ATP2B2: variants seen among roughly 807,000 people sequenced by gnomAD.
ATP2B2 encodes the protein plasma membrane calcium-transporting ATPase 2.
Under a neutral mutation model 120.0 loss-of-function variants are expected in ATP2B2, and 15 were observed. The ratio of observed to expected loss-of-function variants is 0.12; its 90% confidence interval spans 0.08 to 0.19. The LOEUF (loss-of-function observed/expected upper bound fraction) is 0.19, where lower values mean the gene tolerates loss of function less well. Ranked by LOEUF, ATP2B2 falls within the 10% of genes least tolerant of loss-of-function variation. ATP2B2 has a pLI of 1.00. For missense variants in ATP2B2, 1,045 were observed against 1,719.8 expected (o/e 0.61, Z 6.94); for synonymous variants, 694 against 700.3 (o/e 0.99, Z 0.14).
At chr3:10,468,324 G>C (rs2064840042) in intron 1 of ATP2B2, among the ~76,000 whole-genome samples, 1 of 152,228 alleles carries the variant, frequency 6.6e-6, no homozygotes, top group Non-Finnish European at 1.5e-5. Context: ...CAGCGGGCTG[G>C]GTGTGAGGGG....
chr3:10,512,464 G>GCGCACACAGACACACAGACACACACA (rs749056818), intron 3 of ATP2B2, among the ~76,000 whole-genome samples: 7 of 137,026 alleles, frequency 5.1e-5, no homozygotes, highest in African/African-American at 2.0e-4. Flanking sequence ...AAGTGTGTGC[G>GCGCACACAGACACACAGACACACACA]CACACACACA....
intron 1 of ATP2B2, among the ~76,000 whole-genome samples, chr3:10,675,176 G>A (rs1166398765): frequency 6.6e-6 from 1 of 152,218 alleles, no homozygotes; most frequent in Non-Finnish European, 1.5e-5. Context: ...TCAGAAAAGT[G>A]ACTAGATACT....
At chr3:10,369,806 C>G (rs11715897) in intron 12 of ATP2B2, among the ~76,000 whole-genome samples, 29,386 of 152,170 alleles carry the variant, frequency 0.19, 3,096 homozygotes, top group East Asian at 0.32. Context: ...CAGTCTGGCT[C>G]CAGAGTCCAA....
At chr3:10,660,670 C>T (rs1180037052) in intron 1 of ATP2B2, among the ~76,000 whole-genome samples, 1 of 152,164 alleles carries the variant, frequency 6.6e-6, no homozygotes, top group African/African-American at 2.4e-5. Flanking sequence ...ACCAGAGGTA[C>T]AAGGAGGAGC....
intron 1 of ATP2B2, among the ~76,000 whole-genome samples, chr3:10,457,422 G>A (rs970914955): frequency 2.6e-5 from 4 of 152,092 alleles, no homozygotes; most frequent in Non-Finnish European, 4.4e-5. Flanking sequence ...CTTAGAGTAC[G>A]CCTGTAAGTG....
chr3:10,548,328 T>A (rs2067594730), intron 2 of ATP2B2, among the ~76,000 whole-genome samples: 1 of 152,234 alleles, frequency 6.6e-6, no homozygotes, highest in African/African-American at 2.4e-5. Context: ...CCCACAGATC[T>A]AACCACCATG....
chr3:10,524,469 C>T (rs1012093249), intron 3 of ATP2B2, among the ~76,000 whole-genome samples: 4 of 152,174 alleles, frequency 2.6e-5, no homozygotes, highest in Non-Finnish European at 4.4e-5. Context: ...CGGTAAGTGA[C>T]GGCATTGAGA....
chr3:10,418,209 C>T lies in ATP2B2; in HGVS notation c.200-7394G>A, dbSNP rs1374331874. ...GTCAAATCTCCATCCTATTTCTCCT[C>T]TCCTCTCTTTGTCTGGATTTCCTAA... On this transcript the variant is annotated intron_variant, in intron 2 of 22. Transcript: ENST00000360273. Among the ~76,000 whole-genome samples the T allele has an allele frequency of 3.3e-5, 5 of 152,218 alleles. No individual in the cohort carries two copies. The East Asian group carries it at 7.7e-4, about 23-fold the overall frequency.
intron 2 of ATP2B2, among the ~76,000 whole-genome samples, chr3:10,434,236 G>A (rs914259673): frequency 6.6e-6 from 1 of 152,246 alleles, no homozygotes; most frequent in Non-Finnish European, 1.5e-5. Flanking sequence ...AATCTCAAAT[G>A]ACATTAGCAG....
At chr3:10,409,042 C>T (rs73016697) in intron 3 of ATP2B2, among the ~76,000 whole-genome samples, 7,177 of 152,284 alleles carry the variant, frequency 0.047, 197 homozygotes, top group Middle Eastern at 0.071. Context: ...GTTGTGAGGA[C>T]TGATAATTAA....
intron 2 of ATP2B2, among the ~76,000 whole-genome samples, chr3:10,536,685 C>A (rs2067325227): frequency 6.6e-6 from 1 of 152,056 alleles, no homozygotes; most frequent in African/African-American, 2.4e-5. Context: ...CACCACTATG[C>A]CCAGCTAATT....
chr3:10,452,630 G>A (rs1467013494), intron 1 of ATP2B2, among the ~76,000 whole-genome samples: 2 of 150,598 alleles, frequency 1.3e-5, no homozygotes. Context: ...ATGAGGTCAG[G>A]GGTCCTTCAG....
intron 2 of ATP2B2, among the ~76,000 whole-genome samples, chr3:10,594,710 GTATAATAAT>G (rs2068722607): frequency 1.8e-5 from 1 of 54,840 alleles, no homozygotes; most frequent in Non-Finnish European, 4.1e-5. Context: ...AGAACTTAAA[GTATAATAAT>G]AATAATAATA....
rs188036753 is a variant in ATP2B2 at position 10,375,222 on chromosome 3, G to T, written c.1416+208C>A. On this transcript the variant is annotated intron_variant, in intron 11 of 22. Transcript: ENST00000360273. This position sits in a 1 kb window ranked among gnomAD's most constrained non-coding sequence, Gnocchi z 4.2. Reference sequence around the variant, plus strand: ...GAATAACAGCTGCCTCTTCAGCCAGGGTATGGCTCTCTGGTTTGCTACAGG... The same window carrying T: ...GAATAACAGCTGCCTCTTCAGCCAGTGTATGGCTCTCTGGTTTGCTACAGG... Among the ~76,000 whole-genome samples the T allele has an allele frequency of 1.2e-3, 188 of 152,300 alleles. 1 individual carries two copies. The highest frequency in any genetic ancestry group is 4.4e-3 in the African/African-American group (181 of 41,562).
intron 1 of ATP2B2, among the ~76,000 whole-genome samples, chr3:10,488,942 G>T (rs1350744586): frequency 6.6e-6 from 1 of 152,198 alleles, no homozygotes; most frequent in Admixed American, 6.5e-5. Flanking sequence ...GGGTCCCTGT[G>T]ATGGCCCACG....
intron 2 of ATP2B2, among the ~76,000 whole-genome samples, chr3:10,617,636 T>C (rs957490835): frequency 6.6e-6 from 1 of 152,126 alleles, no homozygotes; most frequent in Non-Finnish European, 1.5e-5. Flanking sequence ...AAAATTCAGT[T>C]TTGCCTGTCT....
intron 1 of ATP2B2, among the ~76,000 whole-genome samples, chr3:10,463,210 T>G (rs2064573581): frequency 6.6e-6 from 1 of 152,066 alleles, no homozygotes; most frequent in Admixed American, 6.6e-5. Context: ...CCCACTGCCT[T>G]GGGGTGGGTT....
At chr3:10,655,634 G>T (rs1026944969) in intron 1 of ATP2B2, among the ~76,000 whole-genome samples, 1 of 152,146 alleles carries the variant, frequency 6.6e-6, no homozygotes, top group South Asian at 2.1e-4. Context: ...CACATCAGTC[G>T]AAGAAGAACA....
Position 10,350,218 on chromosome 3 carries a change from GGGGGCGGGTCGGT to G in ATP2B2, c.2317-32_2317-20del. 6.2e-7 allele frequency: 1 copy of G among 1,604,422 alleles called. No individual in the cohort carries two copies. Among genetic ancestry groups the G allele is most frequent in the African/African-American group, 1.3e-5 (1 of 74,792 alleles). ...GCTCAATCTGGAGAGGGATGGGGAAGGGGGCGGGTCGGTGGGGTCGGGGAGAGAAACTGAGGCC... is the reference window on the plus strand; with the variant it reads ...GCTCAATCTGGAGAGGGATGGGGAAGGGGGTCGGGGAGAGAAACTGAGGCC... On this transcript the variant is annotated intron_variant, in intron 15 of 22. Transcript: ENST00000360273.
Sources: gnomAD v4.1 joint callset for allele counts (sites outside exome capture counted in the v4.1 genomes callset) on GRCh38, gnomAD v4.1.1 for gene constraint, Gnocchi (gnomAD v3.1) non-coding constraint, MANE v1.5 for transcripts, NCBI Gene and HGNC (gene_info 2026-07-23, HGNC 2026-07-21) for gene names.